Variants in CLEC16A observed in about 807,000 individuals in gnomAD.
CLEC16A encodes the protein C-type lectin domain containing 16A.
A neutral mutation model predicts 109.5 loss-of-function variants in CLEC16A; 51 were observed. That is an observed-to-expected ratio of 0.47 (90% CI 0.37 to 0.59). The LOEUF (loss-of-function observed/expected upper bound fraction) is 0.59. Among genes scored for constraint, CLEC16A ranks in the 20% least tolerant of loss-of-function variants. The pLI is 0.00. For missense variants in CLEC16A, 1,339 were observed against 1,394.0 expected (o/e 0.96, Z 0.63); for synonymous variants, 673 against 564.2 (o/e 1.19, Z -2.73).
At chr16:10,982,084 G>A (rs1429255355) in intron 9 of CLEC16A, among the ~76,000 whole-genome samples, 2 of 151,966 alleles carry the variant, frequency 1.3e-5, no homozygotes, top group African/African-American at 4.9e-5. Flanking sequence ...TATGCAAATG[G>A]TAGATAAGCC....
intron 11 of CLEC16A, among the ~76,000 whole-genome samples, chr16:11,017,997 A>T (rs1194010449): frequency 1.7e-5 from 2 of 115,584 alleles, no homozygotes; most frequent in Admixed American, 8.2e-5. Context: ...TTAAAGAGGT[A>T]TTAAAAAAAA....
chr16:11,094,568 G>A (rs1391719512), intron 19 of CLEC16A, among the ~76,000 whole-genome samples: 1 of 152,208 alleles, frequency 6.6e-6, no homozygotes, highest in East Asian at 1.9e-4. Flanking sequence ...CTTTTTCCAG[G>A]CCACATCAGG....
chr16:11,073,817 C>T (rs972451860), intron 19 of CLEC16A, among the ~76,000 whole-genome samples: 1 of 152,238 alleles, frequency 6.6e-6, no homozygotes, highest in African/African-American at 2.4e-5. Context: ...CTCAAGGCTT[C>T]TTGGATTGAA....
At chr16:11,146,243 T>C (rs565228176) in intron 22 of CLEC16A, among the ~76,000 whole-genome samples, 1 of 152,236 alleles carries the variant, frequency 6.6e-6, no homozygotes, top group South Asian at 2.1e-4. Context: ...ACTCAACCTC[T>C]CCTGACATTT....
At position 10,979,364 on chromosome 16, in the gene CLEC16A, T is replaced by C. The variant is rs764517359; in HGVS notation, c.939T>C (p.Ser313=). The change falls in exon 9 of 24, where the codon TCT becomes TCC. Residue 313 remains serine (S), a synonymous_variant. Coordinates refer to ENST00000409790, the MANE Select transcript of CLEC16A (RefSeq NM_015226.3). ...GERPKISLPV[S]LYLLSQVFLI... is the part of the protein sequence containing the mutation. Reference sequence around the variant, plus strand: ...GGCCGAAAATTAGCCTGCCGGTGTCTCTTTATCTTCTGTCACAGGTATGCT... The same window carrying C: ...GGCCGAAAATTAGCCTGCCGGTGTCCCTTTATCTTCTGTCACAGGTATGCT... The C allele has an allele frequency of 6.2e-7, 1 of 1,613,182 alleles. No homozygotes were observed. Among genetic ancestry groups the C allele is most frequent in the Non-Finnish European group, 8.5e-7 (1 of 1,179,658 alleles).
chr16:11,045,658 A>G (rs2047598191), intron 16 of CLEC16A, among the ~76,000 whole-genome samples: 1 of 152,068 alleles, frequency 6.6e-6, no homozygotes, highest in Non-Finnish European at 1.5e-5. Context: ...TCAAGTAGTC[A>G]TTTTCTAGTT....
At chr16:11,059,314 G>A (rs892644290) in intron 18 of CLEC16A, among the ~76,000 whole-genome samples, 9 of 152,152 alleles carry the variant, frequency 5.9e-5, no homozygotes, top group Non-Finnish European at 1.3e-4. Context: ...AATCAGATAC[G>A]AATGCTACCA....
At chr16:11,041,551 C>G (rs982420446) in intron 14 of CLEC16A, 8 of 152,240 alleles carry the variant, frequency 5.3e-5, no homozygotes, top group Admixed American at 1.3e-4. Context: ...TAGACTTACT[C>G]TACGGGAGAC....
At chr16:11,028,682 G>T (rs1280026713) in intron 13 of CLEC16A, among the ~76,000 whole-genome samples, 1 of 152,042 alleles carries the variant, frequency 6.6e-6, no homozygotes, top group Non-Finnish European at 1.5e-5. Context: ...TTAATTCTGT[G>T]AATTTTGGGA....
intron 19 of CLEC16A, among the ~76,000 whole-genome samples, chr16:11,089,929 G>A (rs1392073023): frequency 3.3e-5 from 5 of 152,208 alleles, no homozygotes; most frequent in South Asian, 4.1e-4. Context: ...GGCTTCCAGC[G>A]GTTGGAATTC....
At chr16:11,004,125 T>A (rs751416248) in intron 11 of CLEC16A, among the ~76,000 whole-genome samples, 7 of 152,216 alleles carry the variant, frequency 4.6e-5, no homozygotes, top group Non-Finnish European at 1.0e-4. Context: ...GCAAAATCAT[T>A]CATTCCTCCT....
At chr16:11,085,449 G>T (rs530359900) in intron 19 of CLEC16A, among the ~76,000 whole-genome samples, 1 of 152,284 alleles carries the variant, frequency 6.6e-6, no homozygotes, top group Non-Finnish European at 1.5e-5. Flanking sequence ...TGTCACGTGC[G>T]TGAGGCCTTG....
chr16:11,069,491 A>G (rs1048999286), intron 19 of CLEC16A, among the ~76,000 whole-genome samples: 7 of 152,026 alleles, frequency 4.6e-5, no homozygotes, highest in South Asian at 2.1e-4. Context: ...CTGGAATACA[A>G]TGGTGCAATC....
intron 21 of CLEC16A, among the ~76,000 whole-genome samples, chr16:11,125,008 G>C (rs1033259974): frequency 1.3e-5 from 2 of 152,164 alleles, no homozygotes; most frequent in African/African-American, 4.8e-5. Context: ...AGGATCACTT[G>C]AGCCTGGGAG....
intron 22 of CLEC16A, among the ~76,000 whole-genome samples, chr16:11,145,411 G>A (rs1050889952): frequency 5.3e-5 from 8 of 152,208 alleles, no homozygotes; most frequent in African/African-American, 1.9e-4. Flanking sequence ...AATGTCATCC[G>A]CGGCCTCTCC....
chr16:11,090,811 ATT>A (rs71136616), intron 19 of CLEC16A, among the ~76,000 whole-genome samples: 4,529 of 80,700 alleles, frequency 0.056, 253 homozygotes, highest in African/African-American at 0.2. Context: ...TACCCAGCTA[ATT>A]TTTTTTTTTT....
intron 22 of CLEC16A, among the ~76,000 whole-genome samples, chr16:11,144,781 G>A (rs2053983510): frequency 1.3e-5 from 2 of 152,220 alleles, no homozygotes; most frequent in Non-Finnish European, 2.9e-5. Flanking sequence ...GCTTGGGGTA[G>A]GAGGGATTCT....
intron 19 of CLEC16A, among the ~76,000 whole-genome samples, chr16:11,108,375 T>A (rs989158642): frequency 1.3e-5 from 2 of 152,264 alleles, no homozygotes; most frequent in Non-Finnish European, 2.9e-5. Flanking sequence ...GCCAAGGCAG[T>A]CCAGGAGCAT....
At chr16:11,023,146 C>A (rs949521834) in intron 12 of CLEC16A, among the ~76,000 whole-genome samples, 1 of 148,506 alleles carries the variant, frequency 6.7e-6, no homozygotes, top group Non-Finnish European at 1.5e-5. Context: ...ATTTCACCCT[C>A]CCTTCTCCCA....
Sources: gnomAD v4.1 joint callset for allele counts (sites outside exome capture counted in the v4.1 genomes callset) on GRCh38, gnomAD v4.1.1 for gene constraint, MANE v1.5 for transcripts, NCBI Gene and HGNC (gene_info 2026-07-23, HGNC 2026-07-21) for gene names.